The following PAX2 variants were observed in gnomAD, a reference collection of about 807,000 sequenced individuals.
PAX2 encodes the protein paired box 2.
PAX2 carries 9 observed loss-of-function variants against 41.7 expected under a neutral mutation model. The ratio of observed to expected loss-of-function variants is 0.22; its 90% CI spans 0.13 to 0.38. The LOEUF (loss-of-function observed/expected upper bound fraction) is 0.38. PAX2 is among the 10% of genes least tolerant of loss of function. PAX2 has a pLI of 1.00. For missense variants in PAX2, 418 were observed against 531.6 expected (o/e 0.79, Z 2.10); for synonymous variants, 221 against 212.7 (o/e 1.04, Z -0.34).
intron 6 of PAX2, among the ~76,000 whole-genome samples, chr10:100,807,330 T>C (rs190313327): frequency 4.3e-4 from 57 of 132,010 alleles, no homozygotes; most frequent in African/African-American, 1.3e-3. Context: ...CACACACCAC[T>C]GTCCACCTGC....
chr10:100,744,743 C>G (rs943818054), upstream of PAX2, among the ~76,000 whole-genome samples: 1 of 152,238 alleles, frequency 6.6e-6, no homozygotes, highest in African/African-American at 2.4e-5. Context: ...GAAACCAAGT[C>G]CCCCGGCTCT....
chr10:100,760,522 G>A (rs56830181), intron 3 of PAX2, among the ~76,000 whole-genome samples: 3 of 152,140 alleles, frequency 2.0e-5, no homozygotes, highest in Non-Finnish European at 4.4e-5. Context: ...TGCTCTGCTG[G>A]ATGAGTGAAC....
chr10:100,774,790 G>A (rs1053599562), intron 3 of PAX2, among the ~76,000 whole-genome samples: 6 of 152,308 alleles, frequency 3.9e-5, no homozygotes, highest in South Asian at 2.1e-4. Flanking sequence ...AACTGCCAGG[G>A]GTTTCACAGG....
intron 3 of PAX2, among the ~76,000 whole-genome samples, chr10:100,757,213 G>A (rs949570623): frequency 6.6e-5 from 10 of 152,196 alleles, no homozygotes; most frequent in Admixed American, 2.0e-4. Context: ...AGGCCCTGAG[G>A]CCAAGAGGAG....
In PAX2 at chr10:100,827,451, C is replaced by T; in HGVS notation, c.1109-92C>T. On this transcript the variant is annotated intron_variant, in intron 9 of 9. Coordinates refer to ENST00000355243, the MANE Select transcript of PAX2 (RefSeq NM_000278.5). This position sits in a 1 kb window ranked among gnomAD's most constrained non-coding sequence, Gnocchi z 8.5. Reference sequence around the variant, plus strand: ...CAGTCCGGATCCCGCTGGACCCCAGCCAGGGGAGGTCTTTTCTGTGCTTTT... The same window carrying T: ...CAGTCCGGATCCCGCTGGACCCCAGTCAGGGGAGGTCTTTTCTGTGCTTTT... The T allele has an allele frequency of 7.6e-7, 1 of 1,307,504 alleles. No homozygotes were observed. Among genetic ancestry groups the T allele is most frequent in the South Asian group, 1.2e-5 (1 of 84,148 alleles). 81.0% of individuals were successfully genotyped at this position (1,307,504 alleles called of 1,614,324 possible). A position where few individuals can be genotyped will look rare whatever the true frequency, so the allele number is the denominator to read the frequency against.
At chr10:100,736,523 A>C (rs1368577267) in intron 1 of PAX2, among the ~76,000 whole-genome samples, 1 of 152,154 alleles carries the variant, frequency 6.6e-6, no homozygotes, top group Non-Finnish European at 1.5e-5. Context: ...ATAATTCCAC[A>C]GAGGTCAAGG....
At chr10:100,785,191 G>A (rs1846797471) in intron 5 of PAX2, among the ~76,000 whole-genome samples, 1 of 152,134 alleles carries the variant, frequency 6.6e-6, no homozygotes, top group Non-Finnish European at 1.5e-5. Context: ...AGAGATTCTT[G>A]TATTTCCCTA....
rs576772135 is a variant in PAX2 at position 100,750,721 on chromosome 10, G to A, written c.240G>A (p.Pro80=). 3.6e-5 allele frequency: 58 copies of A among 1,614,206 alleles called. No homozygotes were observed. In the South Asian group the frequency reaches 5.4e-4, roughly 15 times the overall value. ...ACTACGAGACCGGCAGCATCAAGCC[G>A]GGTGTGATCGGTGGCTCCAAGCCCA... The part of the protein sequence containing the change: ...GRYYETGSIK[P]GVIGGSKPKV... Residue 80 remains proline, a synonymous_variant, in exon 3 of 10, where the codon CCG becomes CCA. Coordinates refer to ENST00000355243, the MANE Select transcript of PAX2 (RefSeq NM_000278.5). This position sits in a 1 kb window ranked among gnomAD's most constrained non-coding sequence, Gnocchi z 4.1.
chr10:100,784,426 GA>G (rs2133904534), intron 5 of PAX2, among the ~76,000 whole-genome samples: 1 of 152,286 alleles, frequency 6.6e-6, no homozygotes, highest in South Asian at 2.1e-4. Context: ...CTCCCTCCAG[GA>G]GGACCCTTAA....
chr10:100,787,713 A>G (rs1340557219), intron 5 of PAX2, among the ~76,000 whole-genome samples: 1 of 152,032 alleles, frequency 6.6e-6, no homozygotes, highest in Non-Finnish European at 1.5e-5. Flanking sequence ...AGCATCGTCA[A>G]TTCCAAAGGC....
intron 5 of PAX2, among the ~76,000 whole-genome samples, chr10:100,799,301 G>T (rs12266644): frequency 0.085 from 12,890 of 152,250 alleles, 748 homozygotes; most frequent in African/African-American, 0.17. Context: ...TCTGCCTGCG[G>T]ATGAAGACTC....
At chr10:100,758,694 G>C (rs1845726814) in intron 3 of PAX2, among the ~76,000 whole-genome samples, 1 of 152,240 alleles carries the variant, frequency 6.6e-6, no homozygotes, top group Non-Finnish European at 1.5e-5. Context: ...GATGCAGGAA[G>C]ACCGGATTTT....
chr10:100,747,842 C>T, intron 1 of PAX2: 2 of 985,034 alleles, frequency 2.0e-6, no homozygotes, highest in Non-Finnish European at 2.4e-6. Flanking sequence ...TTCGCCCAGC[C>T]AGCCTGCCTC....
chr10:100,781,475 G>A (rs1846621745), intron 5 of PAX2, 110 bp downstream of exon 5: 16 of 1,185,870 alleles, frequency 1.3e-5, no homozygotes, highest in Non-Finnish European at 1.9e-5. Context: ...ATCAATTTTA[G>A]TAGCAAAGCC....
At chr10:100,774,095 G>A (rs1846304959) in intron 3 of PAX2, among the ~76,000 whole-genome samples, 1 of 152,224 alleles carries the variant, frequency 6.6e-6, no homozygotes, top group Admixed American at 6.5e-5. Context: ...GAAGGAGGAG[G>A]AAGAGAGAGA....
rs867471563 is a variant in PAX2 at position 100,768,166 on chromosome 10, A to G, written c.411-11332A>G. 2.7e-5 allele frequency among the ~76,000 whole-genome samples: 4 copies of G among 150,840 alleles called. No individual in the cohort carries two copies. In the South Asian group the frequency reaches 8.4e-4, roughly 32 times the overall value. Reference sequence around the variant, plus strand: ...GGTGTAGAGTCTCGCTGTAGTTTACATATTTGACAGAAATGGGCATAACTT... The same window carrying G: ...GGTGTAGAGTCTCGCTGTAGTTTACGTATTTGACAGAAATGGGCATAACTT... On this transcript the variant is annotated intron_variant, in intron 3 of 9. Coordinates refer to ENST00000355243, the MANE Select transcript of PAX2 (RefSeq NM_000278.5).
intron 3 of PAX2, among the ~76,000 whole-genome samples, chr10:100,753,677 T>C (rs943807117): frequency 6.6e-6 from 1 of 152,196 alleles, no homozygotes; most frequent in African/African-American, 2.4e-5. Flanking sequence ...CCACACATGC[T>C]CACCCACCTG....
intron 4 of PAX2, among the ~76,000 whole-genome samples, chr10:100,779,843 T>C (rs1005930116): frequency 6.6e-6 from 1 of 151,946 alleles, no homozygotes; most frequent in Non-Finnish European, 1.5e-5. Context: ...CTCTCCTCTC[T>C]CTTAAGTGTT....
chr10:100,755,479 T>A (rs1564709765), intron 3 of PAX2, among the ~76,000 whole-genome samples: 1 of 152,256 alleles, frequency 6.6e-6, no homozygotes, highest in African/African-American at 2.4e-5. Context: ...GTGTCCCAAC[T>A]GTTCTGAGAA....
Sources: allele counts gnomAD v4.1 joint callset (sites outside exome capture counted in the v4.1 genomes callset), GRCh38; gene constraint gnomAD v4.1.1; non-coding constraint Gnocchi (gnomAD v3.1); transcripts MANE v1.5; gene names NCBI Gene and HGNC (gene_info 2026-07-23, HGNC 2026-07-21).